Variants in FNIP1 observed in about 807,000 individuals in gnomAD.
FNIP1 encodes the protein folliculin-interacting protein 1.
In FNIP1, 40 loss-of-function variants were observed where a neutral mutation model predicts 124.5. The ratio of observed to expected loss-of-function variants is 0.32; its 90% CI spans 0.25 to 0.42. The LOEUF (loss-of-function observed/expected upper bound fraction) is 0.42, where lower values mean the gene tolerates loss of function less well. FNIP1 is among the 10% of genes least tolerant of loss of function. The pLI, the probability that FNIP1 is intolerant of heterozygous loss-of-function variation, is 1.00. For missense variants in FNIP1, 1,176 were observed against 1,403.7 expected (o/e 0.84, Z 2.59); for synonymous variants, 472 against 470.6 (o/e 1.00, Z -0.04).
chr5:131,765,392 A>T lies in FNIP1; in HGVS notation c.93-20702T>A, dbSNP rs553538687. Among the ~76,000 whole-genome samples the T allele has an allele frequency of 2.7e-4, 41 of 152,326 alleles. 1 individual carries two copies. The highest frequency in any genetic ancestry group is 2.0e-3 in the Admixed American group (31 of 15,298). ...GCATGCTTTCTTTCAGATGCATCAT[A>T]AACTGTTTTCTTTCAGTGAATGTAA... On this transcript the variant is annotated intron_variant, in intron 1 of 17. Transcript: ENST00000510461.
intron 6 of FNIP1, among the ~76,000 whole-genome samples, chr5:131,712,914 C>T (rs1313399268): frequency 6.6e-6 from 1 of 152,196 alleles, no homozygotes; most frequent in Non-Finnish European, 1.5e-5. Flanking sequence ...AAAAGCCTTC[C>T]TGTTGCTTAA....
chr5:131,682,947 G>T (rs1287243162), intron 11 of FNIP1, among the ~76,000 whole-genome samples: 1 of 151,030 alleles, frequency 6.6e-6, no homozygotes, highest in Non-Finnish European at 1.5e-5. Flanking sequence ...TATGCCTAGG[G>T]TCTATATAAA....
rs1561658500 is a variant in FNIP1 at position 131,693,350 on chromosome 5, A to ATATATG, written c.1202+5566_1202+5567insCATATA. 1.3e-4 allele frequency among the ~76,000 whole-genome samples: 18 copies of ATATATG among 136,488 alleles called. No individual in the cohort carries two copies. The South Asian group carries it at 2.5e-3, about 19-fold the overall frequency. The allele number at this position is 136,488 out of a possible 152,430, so 89.5% of individuals were successfully genotyped here. The stretch of plus-strand genomic sequence containing the variant: ...TATATATACATATATATATATATAT[A>ATATATG]TATATATATATAGTTACAGAGATCA... On this transcript the variant is annotated intron_variant, in intron 11 of 17. Transcript: ENST00000510461.
chr5:131,748,922 T>C (rs1231149517), intron 1 of FNIP1, among the ~76,000 whole-genome samples: 1 of 152,068 alleles, frequency 6.6e-6, no homozygotes, highest in Admixed American at 6.6e-5. Flanking sequence ...GGACAAGATG[T>C]GGAGATGGAA....
intron 1 of FNIP1, among the ~76,000 whole-genome samples, chr5:131,794,487 A>C (rs756260422): frequency 1.4e-4 from 21 of 152,174 alleles, no homozygotes; most frequent in Admixed American, 3.3e-4. Context: ...AGAGAAAAGA[A>C]AATATATGTC....
intron 15 of FNIP1, among the ~76,000 whole-genome samples, chr5:131,658,595 CAAAAT>C (rs1561640617): frequency 6.6e-6 from 1 of 151,678 alleles, no homozygotes; most frequent in African/African-American, 2.4e-5. Context: ...CAAAGTAAAA[CAAAAT>C]AAAAAAGTAT....
At position 131,719,006 on chromosome 5, in the gene FNIP1, A is replaced by T. The variant is rs759296448; in HGVS notation, c.510T>A (p.Ser170Arg). Reference protein sequence around the residue: ...SKVFTARTGSSICGSLNTLQD... With the variant: ...SKVFTARTGSRICGSLNTLQD... Reference sequence around the variant, plus strand: ...CTTACGTATTGAGACTCCCACAAATACTGCTGCCAGTCCGAGCAGTAAACA... The same window carrying T: ...CTTACGTATTGAGACTCCCACAAATTCTGCTGCCAGTCCGAGCAGTAAACA... Residue 170 changes from serine to arginine, a missense_variant, in exon 5 of 18, where the codon AGT (serine) becomes AGA (arginine). This residue lies in a region of FNIP1 where 1,109 missense variants were observed against 1,288.5 expected (regional missense o/e 0.86). Transcript: ENST00000510461. The T allele has an allele frequency of 6.2e-7, 1 of 1,613,454 alleles. No homozygotes were observed. Among genetic ancestry groups the T allele is most frequent in the Non-Finnish European group, 8.5e-7 (1 of 1,179,480 alleles).
intron 1 of FNIP1, among the ~76,000 whole-genome samples, chr5:131,755,785 G>A (rs913320811): frequency 3.3e-5 from 5 of 152,030 alleles, no homozygotes; most frequent in African/African-American, 1.2e-4. Flanking sequence ...GAGGCTGGTG[G>A]ATCACCTGAG....
intron 10 of FNIP1, among the ~76,000 whole-genome samples, chr5:131,700,610 A>G (rs1265092466): frequency 6.6e-6 from 1 of 152,194 alleles, no homozygotes; most frequent in Non-Finnish European, 1.5e-5. Context: ...TTATTTTGCT[A>G]GAATTTGGTA....
chr5:131,718,563 G>C (rs1298628533), intron 5 of FNIP1, among the ~76,000 whole-genome samples: 1 of 152,154 alleles, frequency 6.6e-6, no homozygotes, highest in Admixed American at 6.5e-5. Flanking sequence ...TAATACCCTG[G>C]TGGCTATCAT....
intron 15 of FNIP1, among the ~76,000 whole-genome samples, chr5:131,652,511 C>T (rs571982508): frequency 3.3e-5 from 5 of 152,126 alleles, no homozygotes; most frequent in African/African-American, 4.8e-5. Context: ...CACGCCACCA[C>T]GCCTGACTAA....
intron 1 of FNIP1, among the ~76,000 whole-genome samples, chr5:131,757,548 G>A (rs1771088760): frequency 6.6e-6 from 1 of 151,606 alleles, no homozygotes; most frequent in Non-Finnish European, 1.5e-5. Context: ...ACAGGGCCAA[G>A]TTACTAGGCC....
At chr5:131,647,766 T>C (rs974976723) in intron 16 of FNIP1, among the ~76,000 whole-genome samples, 2 of 152,292 alleles carry the variant, frequency 1.3e-5, no homozygotes, top group African/African-American at 4.8e-5. Flanking sequence ...TGAGCCACCA[T>C]GTCCAGCCCT....
intron 13 of FNIP1, among the ~76,000 whole-genome samples, chr5:131,673,336 G>A (rs150271924): frequency 8.0e-4 from 122 of 152,036 alleles, no homozygotes; most frequent in African/African-American, 2.7e-3. Flanking sequence ...GATTACAGGC[G>A]TGAGCCACCA....
At chr5:131,717,585 C>T (rs191311207) in intron 5 of FNIP1, among the ~76,000 whole-genome samples, 113 of 152,204 alleles carry the variant, frequency 7.4e-4, no homozygotes, top group South Asian at 6.2e-3. Flanking sequence ...AATCATTAGG[C>T]AAATATCCAA....
rs1024716237 is a variant in FNIP1, at chr5:131,768,543, C to A, written c.93-23853G>T. On this transcript the variant is annotated intron_variant, in intron 1 of 17. Coordinates refer to ENST00000510461, the MANE Select transcript of FNIP1 (RefSeq NM_133372.3). ...ATAAAAAAACAGGCCAGCATGGTGG[C>A]TCATGCCTGTAATCCCAGCACTTTG... Among the ~76,000 whole-genome samples the A allele has an allele frequency of 2.0e-5, 3 of 151,978 alleles. No individual in the cohort carries two copies. In the East Asian group the frequency reaches 5.8e-4, roughly 29 times the overall value.
chr5:131,716,543 T>C (rs752372068), intron 6 of FNIP1, 22 bp downstream of exon 6: 23 of 1,509,380 alleles, frequency 1.5e-5, no homozygotes, highest in East Asian at 6.9e-5. Flanking sequence ...TTTAAACTTA[T>C]AAAATCAAAG....
rs1398367089 is a variant in FNIP1 at position 131,676,772 on chromosome 5, A to G, written c.1519+931T>C. On this transcript the variant is annotated intron_variant, in intron 13 of 17. Transcript: ENST00000510461. The stretch of plus-strand genomic sequence containing the variant: ...GAGACTTCATTAAAAAAATGCATTT[A>G]CTGTATGTCAATTATAACTCAATAA... Among the ~76,000 whole-genome samples the G allele has an allele frequency of 3.3e-5, 5 of 152,118 alleles. No homozygotes were observed. In the East Asian group the frequency reaches 5.8e-4, roughly 18 times the overall value.
intron 15 of FNIP1, among the ~76,000 whole-genome samples, chr5:131,655,058 G>T (rs537398775): frequency 6.6e-6 from 1 of 152,234 alleles, no homozygotes; most frequent in Admixed American, 6.5e-5. Context: ...AACAACATGG[G>T]TTTGAACTAC....
Sources: gnomAD v4.1 joint callset for allele counts (sites outside exome capture counted in the v4.1 genomes callset) on GRCh38, gnomAD v4.1.1 for gene constraint, gnomAD v4.1.1 regional missense constraint, MANE v1.5 for transcripts, NCBI Gene and HGNC (gene_info 2026-07-23, HGNC 2026-07-21) for gene names.